The following KCNMA1 variants were observed in gnomAD, a reference collection of about 807,000 sequenced individuals.
The protein encoded by KCNMA1 is Calcium-activated potassium channel subunit alpha-1.
KCNMA1 carries 29 observed loss-of-function variants against 140.0 expected under a neutral mutation model. That is an observed-to-expected ratio of 0.21 (90% CI 0.15 to 0.28). KCNMA1 has a LOEUF of 0.28. KCNMA1 is among the 10% of genes least tolerant of loss of function. The probability of loss-of-function intolerance (pLI) is 1.00; values close to 1 mark genes in which losing one functional copy is unlikely to be tolerated. For missense variants in KCNMA1, 880 were observed against 1,602.2 expected, an observed-to-expected ratio of 0.55 and a Z score of 7.70; for synonymous variants, 612 against 611.9, an observed-to-expected ratio of 1.00 and a Z score of 0.00.
At chr10:77,384,464 T>C (rs938683664) in intron 2 of KCNMA1, among the ~76,000 whole-genome samples, 3 of 152,208 alleles carry the variant, frequency 2.0e-5, no homozygotes, top group Non-Finnish European at 4.4e-5. Context: ...CCTGTACTTA[T>C]GGAAACCTTC....
At chr10:77,145,100 T>G (rs2098263740) in intron 5 of KCNMA1, among the ~76,000 whole-genome samples, 1 of 152,048 alleles carries the variant, frequency 6.6e-6, no homozygotes, top group Non-Finnish European at 1.5e-5. Flanking sequence ...CTACTGTAAA[T>G]AAAAACCCCA....
chr10:77,262,133 T>G (rs568647881), intron 2 of KCNMA1, among the ~76,000 whole-genome samples: 7 of 152,182 alleles, frequency 4.6e-5, no homozygotes, highest in Non-Finnish European at 7.3e-5. Flanking sequence ...CCATGTTTGT[T>G]GCAGCCAAAA....
At chr10:77,626,010 C>T (rs2092456287) in intron 1 of KCNMA1, among the ~76,000 whole-genome samples, 1 of 135,548 alleles carries the variant, frequency 7.4e-6, no homozygotes, top group African/African-American at 3.0e-5. Context: ...CTCACCAACA[C>T]TGGTGATTTT....
chr10:77,123,817 C>T (rs1412554691), intron 5 of KCNMA1, among the ~76,000 whole-genome samples: 3 of 151,992 alleles, frequency 2.0e-5, no homozygotes, highest in Non-Finnish European at 2.9e-5. Context: ...GCTTTGGGGC[C>T]GTTATTAAGT....
At chr10:77,506,596 A>AGAGAGAGAGTGTGGGT in intron 1 of KCNMA1, among the ~76,000 whole-genome samples, 1 of 83,532 alleles carries the variant, frequency 1.2e-5, no homozygotes, top group African/African-American at 7.5e-5. Context: ...AGAGAGAGAG[A>AGAGAGAGAGTGTGGGT]GTGTGTGTGT....
intron 18 of KCNMA1, among the ~76,000 whole-genome samples, chr10:77,004,336 C>T (rs186966827): frequency 6.6e-6 from 1 of 151,970 alleles, no homozygotes; most frequent in East Asian, 1.9e-4. Flanking sequence ...GTTGACAAAC[C>T]TTCATGAATC....
chr10:77,288,523 A>G (rs978565604), intron 2 of KCNMA1, among the ~76,000 whole-genome samples: 2 of 152,208 alleles, frequency 1.3e-5, no homozygotes, highest in African/African-American at 4.8e-5. Flanking sequence ...TGTATTGACT[A>G]ATTTAATCTT....
intron 9 of KCNMA1, among the ~76,000 whole-genome samples, chr10:77,104,014 G>A (rs997062992): frequency 5.3e-5 from 8 of 152,172 alleles, no homozygotes; most frequent in African/African-American, 1.9e-4. Context: ...GCAGGACGCA[G>A]GGAAGCAGGC....
At chr10:77,511,933 G>C (rs1048238408) in intron 1 of KCNMA1, among the ~76,000 whole-genome samples, 1 of 152,226 alleles carries the variant, frequency 6.6e-6, no homozygotes, top group African/African-American at 2.4e-5. Context: ...GCTTGCTGCA[G>C]ATTTTAGAGA....
rs115544277 is a variant in KCNMA1, at chr10:76,952,929, T to C, written c.2484+872A>G. ...AAAGAACCCTTCCATCTGACTTTCCTGATTATTAATCCATTTCTCATGGAT... is the reference window on the plus strand; with the variant it reads ...AAAGAACCCTTCCATCTGACTTTCCCGATTATTAATCCATTTCTCATGGAT... On this transcript the variant is annotated intron_variant, in intron 21 of 27. Coordinates refer to ENST00000286628, the MANE Select transcript of KCNMA1 (RefSeq NM_001161352.2). Among the ~76,000 whole-genome samples the C allele has an allele frequency of 7.5e-3, 1,144 of 152,352 alleles. 13 individuals carry two copies. The highest frequency in any genetic ancestry group is 0.026 in the African/African-American group (1,085 of 41,578).
chr10:76,931,660 A>G (rs1254359071), intron 23 of KCNMA1, among the ~76,000 whole-genome samples: 1 of 152,110 alleles, frequency 6.6e-6, no homozygotes, highest in Non-Finnish European at 1.5e-5. Flanking sequence ...TTGGAAGTGT[A>G]TGAGGTTTTC....
intron 18 of KCNMA1, among the ~76,000 whole-genome samples, chr10:77,005,088 CA>C (rs1447324196): frequency 6.6e-6 from 1 of 152,186 alleles, no homozygotes; most frequent in Non-Finnish European, 1.5e-5. Context: ...AGGTTTTCCC[CA>C]GGATGTCAAT....
chr10:76,873,890 G>A (rs1271206735), downstream of KCNMA1: 1 of 152,118 alleles, frequency 6.6e-6, no homozygotes, highest in Non-Finnish European at 1.5e-5. Flanking sequence ...AATAAACAGA[G>A]GACAGGAAAT....
chr10:77,078,618 T>C (rs1362812118), intron 13 of KCNMA1, among the ~76,000 whole-genome samples: 4 of 152,238 alleles, frequency 2.6e-5, no homozygotes, highest in South Asian at 2.1e-4. Flanking sequence ...GAGCGCATTA[T>C]GCACTCACTA....
chr10:77,254,201 C>A (rs1264450722), intron 2 of KCNMA1, among the ~76,000 whole-genome samples: 1 of 150,748 alleles, frequency 6.6e-6, no homozygotes, highest in East Asian at 2.0e-4. Context: ...GATGGGAGGC[C>A]ACTTGGAGTC....
chr10:77,569,736 G>A (rs1417228489), intron 1 of KCNMA1, among the ~76,000 whole-genome samples: 1 of 152,178 alleles, frequency 6.6e-6, no homozygotes, highest in South Asian at 2.1e-4. Flanking sequence ...ATTGACAGAT[G>A]GGATCTAATT....
intron 19 of KCNMA1, among the ~76,000 whole-genome samples, chr10:76,981,195 G>A (rs75514482): frequency 0.024 from 3,608 of 152,154 alleles, 157 homozygotes; most frequent in African/African-American, 0.082. Context: ...CAATTGAGCC[G>A]CTAACCAACA....
At chr10:77,465,931 G>T (rs1232663610) in intron 1 of KCNMA1, among the ~76,000 whole-genome samples, 1 of 152,168 alleles carries the variant, frequency 6.6e-6, no homozygotes, top group African/African-American at 2.4e-5. Context: ...CCCATGGGAT[G>T]CTAAGAGGGA....
At chr10:77,091,900 T>C (rs768958132) in intron 9 of KCNMA1, 1 of 152,240 alleles carries the variant, frequency 6.6e-6, no homozygotes, top group Non-Finnish European at 1.5e-5. Flanking sequence ...AGTAAACTCA[T>C]TGGTGAAAGG....
Sources: allele counts gnomAD v4.1 joint callset (sites outside exome capture counted in the v4.1 genomes callset), GRCh38; gene constraint gnomAD v4.1.1; transcripts MANE v1.5; gene names NCBI Gene and HGNC (gene_info 2026-07-23, HGNC 2026-07-21).